The following ADAMTS17 variants were observed in gnomAD, a reference collection of about 807,000 sequenced individuals.
ADAMTS17 encodes A disintegrin and metalloproteinase with thrombospondin motifs 17.
ADAMTS17 carries 113 observed loss-of-function variants against 141.5 expected under a neutral mutation model. The observed-to-expected ratio is 0.80, with a 90% CI of 0.69 to 0.93. The LOEUF (loss-of-function observed/expected upper bound fraction) is 0.93. Among genes scored for constraint, ADAMTS17 ranks in the 40% least tolerant of loss-of-function variants. ADAMTS17 has a pLI of 0.00. For missense variants in ADAMTS17, 1,659 were observed against 1,517.9 expected, an observed-to-expected ratio of 1.09 and a Z score of -1.54; for synonymous variants, 768 against 630.6, an observed-to-expected ratio of 1.22 and a Z score of -3.27.
rs1366821737 is a variant in ADAMTS17 at position 100,230,816 on chromosome 15, C to CGCA, written c.1075+23319_1075+23320insTGC. On this transcript the variant is annotated intron_variant, in intron 7 of 21. Coordinates refer to ENST00000268070, the MANE Select transcript of ADAMTS17 (RefSeq NM_139057.4). ...ACACACACACACCTAGCTTCGGAAA[C>CGCA]ATGTCCACTGTTGATACCAAACACC... Among the ~76,000 whole-genome samples, 33 of 47,862 alleles carry CGCA rather than the reference C, an allele frequency of 6.9e-4. No homozygotes were observed. The East Asian group carries it at 0.017, about 25-fold the overall frequency. The allele number at this position is 47,862 out of a possible 152,430, so 31.4% of individuals were successfully genotyped here.
chr15:100,311,862 T>A (rs2045417017), intron 3 of ADAMTS17, among the ~76,000 whole-genome samples: 1 of 152,116 alleles, frequency 6.6e-6, no homozygotes, highest in Non-Finnish European at 1.5e-5. Flanking sequence ...TGACTGTGAT[T>A]GCCATGCTTA....
chr15:100,197,745 C>T (rs934671204), intron 8 of ADAMTS17, among the ~76,000 whole-genome samples: 5 of 152,104 alleles, frequency 3.3e-5, no homozygotes, highest in Admixed American at 3.3e-4. Context: ...TCATGACATA[C>T]AATAGGTACG....
intron 15 of ADAMTS17, among the ~76,000 whole-genome samples, chr15:100,068,571 A>T (rs1206168608): frequency 6.6e-6 from 1 of 152,238 alleles, no homozygotes; most frequent in Non-Finnish European, 1.5e-5. Flanking sequence ...AGGAACGATC[A>T]GGCAGCAACA....
chr15:100,230,541 A>G (rs751897640), intron 7 of ADAMTS17, among the ~76,000 whole-genome samples: 2 of 152,184 alleles, frequency 1.3e-5, no homozygotes, highest in African/African-American at 2.4e-5. Context: ...GCAAATTGCA[A>G]TGGCATCATA....
At chr15:100,104,430 A>G (rs1360149811) in intron 14 of ADAMTS17, among the ~76,000 whole-genome samples, 2 of 152,242 alleles carry the variant, frequency 1.3e-5, no homozygotes, top group Non-Finnish European at 2.9e-5. Context: ...TAAAAACAGA[A>G]TAAAATGGCA....
intron 8 of ADAMTS17, among the ~76,000 whole-genome samples, chr15:100,164,511 C>A (rs116471832): frequency 6.6e-6 from 1 of 152,148 alleles, no homozygotes; most frequent in African/African-American, 2.4e-5. Flanking sequence ...GGGTCACATG[C>A]GAAAACAGCC....
chr15:100,237,374 C>A (rs2141878470), intron 7 of ADAMTS17, among the ~76,000 whole-genome samples: 1 of 152,294 alleles, frequency 6.6e-6, no homozygotes, highest in South Asian at 2.1e-4. Flanking sequence ...TTAGGACTCA[C>A]CCCTGGGAAG....
Position 100,320,104 on chromosome 15 carries a change from C to T in ADAMTS17, c.616+10785G>A, listed in dbSNP as rs7167293. 7.5e-3 allele frequency among the ~76,000 whole-genome samples: 1,140 copies of T among 152,074 alleles called. 13 individuals carry two copies. Among genetic ancestry groups the T allele is most frequent in the African/African-American group, 0.025 (1,055 of 41,472 alleles). Reference sequence around the variant, plus strand: ...AGTAGAAGATTAAATGGAGATCAGACGTAGTTTAAGAAAAATCTGGTGAAC... The same window carrying T: ...AGTAGAAGATTAAATGGAGATCAGATGTAGTTTAAGAAAAATCTGGTGAAC... On this transcript the variant is annotated intron_variant, in intron 3 of 21. Coordinates refer to ENST00000268070, the MANE Select transcript of ADAMTS17 (RefSeq NM_139057.4).
intron 8 of ADAMTS17, among the ~76,000 whole-genome samples, chr15:100,168,083 C>T (rs2040019128): frequency 6.6e-6 from 1 of 152,190 alleles, no homozygotes. Flanking sequence ...CTCCTGTTCC[C>T]CCTTCAAGTC....
intron 3 of ADAMTS17, among the ~76,000 whole-genome samples, chr15:100,300,107 G>A (rs1018250664): frequency 6.6e-6 from 1 of 152,164 alleles, no homozygotes; most frequent in African/African-American, 2.4e-5. Flanking sequence ...GTAGGGCTCT[G>A]GAGTCAGGGT....
At chr15:100,083,788 G>T (rs1211216844) in intron 15 of ADAMTS17, among the ~76,000 whole-genome samples, 1 of 150,878 alleles carries the variant, frequency 6.6e-6, no homozygotes, top group East Asian at 1.9e-4. Context: ...CTTGGGAATA[G>T]TGATGCTGGC....
At chr15:100,238,235 A>G (rs779502868) in intron 7 of ADAMTS17, among the ~76,000 whole-genome samples, 1 of 152,226 alleles carries the variant, frequency 6.6e-6, no homozygotes, top group Non-Finnish European at 1.5e-5. Context: ...TGGCCACTCC[A>G]GGTAAAATTT....
intron 3 of ADAMTS17, among the ~76,000 whole-genome samples, chr15:100,297,505 A>C (rs1373670018): frequency 6.6e-6 from 1 of 152,142 alleles, no homozygotes; most frequent in Non-Finnish European, 1.5e-5. Flanking sequence ...TTCAGGAGGG[A>C]CTTCGAAGAT....
intron 8 of ADAMTS17, among the ~76,000 whole-genome samples, chr15:100,163,204 T>C (rs2039809931): frequency 6.6e-6 from 1 of 152,074 alleles, no homozygotes; most frequent in African/African-American, 2.4e-5. Context: ...AGTAGGCTTT[T>C]AACTTTTACC....
chr15:100,161,477 G>A (rs909064478), intron 8 of ADAMTS17, among the ~76,000 whole-genome samples: 2 of 152,194 alleles, frequency 1.3e-5, no homozygotes, highest in Admixed American at 6.5e-5. Flanking sequence ...TCCATGGAAG[G>A]CTGACTCCAG....
chr15:100,019,475 A>G (rs186965426), intron 18 of ADAMTS17, among the ~76,000 whole-genome samples: 3 of 152,312 alleles, frequency 2.0e-5, no homozygotes, highest in Admixed American at 2.0e-4. Flanking sequence ...TTTTTATAAG[A>G]AAAATACTTA....
chr15:100,068,977 A>T (rs4383124), intron 15 of ADAMTS17, among the ~76,000 whole-genome samples: 2 of 152,018 alleles, frequency 1.3e-5, no homozygotes, highest in Non-Finnish European at 2.9e-5. Context: ...CCTATGGCAT[A>T]GAAGTTAAAA....
intron 15 of ADAMTS17, among the ~76,000 whole-genome samples, chr15:100,073,873 C>T (rs866161536): frequency 2.0e-5 from 3 of 151,516 alleles, no homozygotes; most frequent in Non-Finnish European, 4.4e-5. Context: ...ATGTAACAAA[C>T]CTGCACGTTG....
Position 100,054,015 on chromosome 15 carries a change from C to T in ADAMTS17, c.2177G>A (p.Trp726Ter). 3 of 1,614,172 alleles carry T rather than the reference C, an allele frequency of 1.9e-6. No homozygotes were observed. The highest frequency in any genetic ancestry group is 2.5e-6 in the Non-Finnish European group (3 of 1,180,030). Residue 726 changes from tryptophan (W) to a stop codon, truncating the protein, a stop_gained, in exon 16 of 22, where the codon TGG becomes TAG. Transcript: ENST00000268070. LOFTEE classifies it high-confidence loss of function. Reference sequence around the variant, plus strand: ...GAACTCTCCGGGGAGCTCTATCTTCCAGTCACTGTTGATGGACCCCTTACC... The same window carrying T: ...GAACTCTCCGGGGAGCTCTATCTTCTAGTCACTGTTGATGGACCCCTTACC... ...DSGKGSINSD[W>*]KIELPGEFQI...
Sources: allele counts gnomAD v4.1 joint callset (sites outside exome capture counted in the v4.1 genomes callset), GRCh38; gene constraint gnomAD v4.1.1; transcripts MANE v1.5; gene names NCBI Gene and HGNC (gene_info 2026-07-23, HGNC 2026-07-21).